The following PRR16 variants were observed in gnomAD, a reference collection of about 807,000 sequenced individuals.
PRR16 encodes proline rich 16, also known as protein Largen.
A neutral mutation model predicts 18.2 loss-of-function variants in PRR16; 6 were observed. The ratio of observed to expected loss-of-function variants is 0.33; its 90% CI spans 0.18 to 0.65. The LOEUF (loss-of-function observed/expected upper bound fraction) is 0.65. Ranked by LOEUF, PRR16 falls within the 30% of genes least tolerant of loss-of-function variation. The pLI, the probability that PRR16 is intolerant of heterozygous loss-of-function variation, is 0.74. For synonymous variants in PRR16, 151 were observed against 147.8 expected (o/e 1.02, Z -0.16); for missense variants, 412 against 376.6 (o/e 1.09, Z -0.78).
At chr5:120,647,411 C>T (rs1452881413) in intron 1 of PRR16, among the ~76,000 whole-genome samples, 1 of 151,830 alleles carries the variant, frequency 6.6e-6, no homozygotes, top group African/African-American at 2.4e-5. Context: ...AAAGAGATTT[C>T]ATAAATAGTC....
chr5:120,641,045 G>T (rs1432497303), intron 1 of PRR16, among the ~76,000 whole-genome samples: 2 of 152,114 alleles, frequency 1.3e-5, no homozygotes, highest in Non-Finnish European at 2.9e-5. Context: ...GCAGAGTATG[G>T]GTGGGGAGAG....
At chr5:120,608,206 C>G (rs17428241) in intron 1 of PRR16, among the ~76,000 whole-genome samples, 33,066 of 152,132 alleles carry the variant, frequency 0.22, 4,340 homozygotes, top group Middle Eastern at 0.38. Context: ...TCTGATAGCA[C>G]AAGAATGGAG....
At chr5:120,480,954 A>C (rs1749590731) in intron 1 of PRR16, among the ~76,000 whole-genome samples, 2 of 152,140 alleles carry the variant, frequency 1.3e-5, no homozygotes, top group Non-Finnish European at 1.5e-5. Context: ...CTAACAGTAA[A>C]TAGATGAGGT....
At chr5:120,784,650 C>T in the PRR16 span, among the ~76,000 whole-genome samples, 2 of 152,146 alleles carry the variant, frequency 1.3e-5, no homozygotes, top group Non-Finnish European at 2.9e-5. Context: ...AGACATTTCT[C>T]AAAGACGAAA....
At chr5:120,739,664 C>T in the PRR16 span, among the ~76,000 whole-genome samples, 1 of 152,174 alleles carries the variant, frequency 6.6e-6, no homozygotes, top group Non-Finnish European at 1.5e-5. Context: ...GCACCACTCT[C>T]TAAGACTTTC....
chr5:120,541,607 A>C (rs1346506218), intron 1 of PRR16, among the ~76,000 whole-genome samples: 1 of 152,256 alleles, frequency 6.6e-6, no homozygotes, highest in African/African-American at 2.4e-5. Flanking sequence ...ATTCAGCTAC[A>C]GCAGATTCGG....
the PRR16 span, among the ~76,000 whole-genome samples, chr5:120,735,690 T>G: frequency 7.3e-6 from 1 of 136,588 alleles, no homozygotes; most frequent in Non-Finnish European, 1.6e-5. Context: ...TATTGTTGAG[T>G]TATAGTTCTT....
chr5:120,749,456 T>C, the PRR16 span, among the ~76,000 whole-genome samples: 2 of 152,160 alleles, frequency 1.3e-5, no homozygotes, highest in Non-Finnish European at 2.9e-5. Context: ...TTATAAATTA[T>C]TATAGAAAAG....
At chr5:120,736,718 ATGAACATTGGATGTCT>A in the PRR16 span, among the ~76,000 whole-genome samples, 1 of 151,984 alleles carries the variant, frequency 6.6e-6, no homozygotes, top group South Asian at 2.1e-4. Flanking sequence ...CAATCATCTC[ATGAACATTGGATGTCT>A]TTCCGTTTAT....
chr5:120,608,460 A>C (rs1018294551), intron 1 of PRR16, among the ~76,000 whole-genome samples: 1 of 152,222 alleles, frequency 6.6e-6, no homozygotes, highest in African/African-American at 2.4e-5. Context: ...GAATAATGCA[A>C]AACTATCCAA....
intron 1 of PRR16, among the ~76,000 whole-genome samples, chr5:120,593,512 C>A (rs138189706): frequency 9.8e-4 from 122 of 124,888 alleles, no homozygotes; most frequent in African/African-American, 3.2e-3. Flanking sequence ...GTAATAAATA[C>A]CCTACCAAGA....
intron 1 of PRR16, among the ~76,000 whole-genome samples, chr5:120,652,398 G>T (rs2405964): frequency 0.75 from 114,444 of 151,850 alleles, 44,857 homozygotes; most frequent in East Asian, 0.94. Context: ...AAGTACAGTA[G>T]GGAAAGATAG....
the PRR16 span, among the ~76,000 whole-genome samples, chr5:120,754,419 A>AG: frequency 2.2e-5 from 2 of 91,858 alleles, no homozygotes. Context: ...TATACTATAT[A>AG]TTATATAATA....
At chr5:120,752,360 CG>C in the PRR16 span, among the ~76,000 whole-genome samples, 1 of 151,874 alleles carries the variant, frequency 6.6e-6, no homozygotes, top group South Asian at 2.1e-4. Context: ...CTGAGGAAAG[CG>C]GGGAAATAAT....
chr5:120,486,051 G>A (rs1275455688), intron 1 of PRR16, among the ~76,000 whole-genome samples: 2 of 152,072 alleles, frequency 1.3e-5, no homozygotes, highest in African/African-American at 2.4e-5. Flanking sequence ...GTCTATCATT[G>A]TTGGACATTT....
the PRR16 span, among the ~76,000 whole-genome samples, chr5:120,780,351 TGTAA>T: frequency 3.0e-4 from 45 of 152,306 alleles, no homozygotes; most frequent in Admixed American, 1.6e-3. Flanking sequence ...AGGAGTACTG[TGTAA>T]GTGATTGGAA....
chr5:120,614,428 A>T (rs1338142544), intron 1 of PRR16, among the ~76,000 whole-genome samples: 1 of 152,228 alleles, frequency 6.6e-6, no homozygotes, highest in Non-Finnish European at 1.5e-5. Flanking sequence ...ACAAATTCAA[A>T]TCATTTTCTG....
chr5:120,722,363 G>T, the PRR16 span, among the ~76,000 whole-genome samples: 1 of 151,950 alleles, frequency 6.6e-6, no homozygotes, highest in African/African-American at 2.4e-5. Context: ...TAAATATGGG[G>T]TAAGGTCCTG....
chr5:120,495,671 T>C (rs1264971146), intron 1 of PRR16, among the ~76,000 whole-genome samples: 1 of 152,102 alleles, frequency 6.6e-6, no homozygotes, highest in Non-Finnish European at 1.5e-5. Context: ...TGCTCATTGC[T>C]AGTGTAGAGA....
Sources: gnomAD v4.1 joint callset for allele counts (sites outside exome capture counted in the v4.1 genomes callset) on GRCh38, gnomAD v4.1.1 for gene constraint, MANE v1.5 for transcripts, NCBI Gene and HGNC (gene_info 2026-07-23, HGNC 2026-07-21) for gene names.